FRAS1: variants seen among roughly 807,000 people sequenced by gnomAD.
The protein encoded by FRAS1 is extracellular matrix organizing protein FRAS1.
FRAS1 carries 290 observed loss-of-function variants against 435.2 expected under a neutral mutation model. The ratio of observed to expected loss-of-function variants is 0.67; its 90% CI spans 0.61 to 0.73. FRAS1 has a LOEUF of 0.73. FRAS1 is among the 30% of genes least tolerant of loss of function. The pLI, the probability that FRAS1 is intolerant of heterozygous loss-of-function variation, is 0.00. For synonymous variants in FRAS1, 1,800 were observed against 1,851.0 expected (o/e 0.97, Z 0.71); for missense variants, 4,860 against 5,001.5 (o/e 0.97, Z 0.85).
chr4:78,520,465 G>A (rs1346447751), intron 67 of FRAS1, among the ~76,000 whole-genome samples: 1 of 151,916 alleles, frequency 6.6e-6, no homozygotes, highest in African/African-American at 2.4e-5. Context: ...TGAAATTACA[G>A]TCATCATTCA....
At position 78,475,573 on chromosome 4, in the gene FRAS1, T is replaced by G. The variant is rs371753579; in HGVS notation, c.7818T>G (p.Pro2606=). ...CCAGCTCCAGGGTCAGCTCCCAACC[T>G]GGGCAACAGGACTATGTAGAGTATG... The part of the protein sequence containing the change: ...ASSSSRVSSQ[P]GQQDYVEYAG... The change falls in exon 54 of 74, where the codon CCT becomes CCG. Residue 2606 remains proline (P), a synonymous_variant. Transcript: ENST00000512123. The G allele has an allele frequency of 6.2e-7, 1 of 1,612,726 alleles. No individual in the cohort carries two copies. Among genetic ancestry groups the G allele is most frequent in the African/African-American group, 1.3e-5 (1 of 74,998 alleles).
chr4:78,505,546 C>T lies in FRAS1; in HGVS notation c.9317-1875C>T, dbSNP rs903319223. ...CCTATTGAAGCTTGTGCATGTATCA[C>T]GAAGCTCTTGTGCCATGGTTTTCAG... On this transcript the variant is annotated intron_variant, in intron 61 of 73. Coordinates refer to ENST00000512123, the MANE Select transcript of FRAS1 (RefSeq NM_025074.7). Among the ~76,000 whole-genome samples, 6 of 152,206 alleles carry T rather than the reference C, an allele frequency of 3.9e-5. No individual in the cohort carries two copies. In the East Asian group the frequency reaches 9.7e-4, roughly 24 times the overall value.
chr4:78,159,190 G>T (rs1056584698), intron 2 of FRAS1, among the ~76,000 whole-genome samples: 2 of 152,192 alleles, frequency 1.3e-5, no homozygotes, highest in Non-Finnish European at 1.5e-5. Flanking sequence ...ATTCTTCAGA[G>T]AAAAGCTATC....
rs144065807 is a variant in FRAS1, at chr4:78,369,977, G to T, written c.2862G>T (p.Thr954=). Residue 954 remains threonine, a synonymous_variant, in exon 23 of 74, where the codon ACG becomes ACT. Coordinates refer to ENST00000512123, the MANE Select transcript of FRAS1 (RefSeq NM_025074.7). The stretch of plus-strand genomic sequence containing the variant: ...ACTATCTTGACTTCTCCACCAACAC[G>T]TGCAAAGGTAAAGCTCTTCCTGAAT... ...PQYYLDFSTN[T]CKECDWSCSA... is the part of the protein sequence containing the mutation. 1 of 1,612,946 alleles carries T rather than the reference G, an allele frequency of 6.2e-7. No individual in the cohort carries two copies. The highest frequency in any genetic ancestry group is 1.7e-5 in the Admixed American group (1 of 59,920).
intron 2 of FRAS1, among the ~76,000 whole-genome samples, chr4:78,095,507 T>G (rs1477945519): frequency 6.6e-6 from 1 of 152,206 alleles, no homozygotes; most frequent in Non-Finnish European, 1.5e-5. Context: ...TGAAGTCCTG[T>G]ATTAGTCCAT....
chr4:78,302,950 G>A (rs1728492445), intron 14 of FRAS1, among the ~76,000 whole-genome samples: 1 of 152,072 alleles, frequency 6.6e-6, no homozygotes, highest in Non-Finnish European at 1.5e-5. Flanking sequence ...TGTCCTGAAT[G>A]GTAATGCCTA....
At chr4:78,279,800 C>T (rs749449867) in intron 10 of FRAS1, among the ~76,000 whole-genome samples, 1 of 152,118 alleles carries the variant, frequency 6.6e-6, no homozygotes, top group Non-Finnish European at 1.5e-5. Context: ...ATAAAAACAA[C>T]TGCTTCTTTG....
chr4:78,346,887 T>C (rs402843), intron 20 of FRAS1, among the ~76,000 whole-genome samples: 25,757 of 151,982 alleles, frequency 0.17, 2,878 homozygotes, highest in African/African-American at 0.32. Flanking sequence ...TACAGATTCA[T>C]CTCCCTCCTT....
chr4:78,369,809 C>T, intron 22 of FRAS1, 29 bp from the exon 23 acceptor site: 1 of 1,595,464 alleles, frequency 6.3e-7, no homozygotes, highest in East Asian at 2.2e-5. Flanking sequence ...TTGTAATCAT[C>T]TGGTCATTTT....
chr4:78,412,124 G>A (rs942293830), intron 31 of FRAS1, among the ~76,000 whole-genome samples: 5 of 149,954 alleles, frequency 3.3e-5, no homozygotes, highest in Non-Finnish European at 5.9e-5. Context: ...CTCGATCCCA[G>A]GCATCTGATG....
chr4:78,287,659 A>T (rs952171846), intron 14 of FRAS1, among the ~76,000 whole-genome samples: 3 of 152,132 alleles, frequency 2.0e-5, no homozygotes, highest in African/African-American at 7.2e-5. Context: ...TTGCAGGAAA[A>T]TGATTGAGGT....
rs138115056 is a variant in FRAS1 at position 78,358,943 on chromosome 4, T to C, written c.2423-4570T>C. Reference sequence around the variant, plus strand: ...AGTGTCCACATTTAATTTAATCTAATCTATGTAAAAATCTCTATATGTAAA... The same window carrying C: ...AGTGTCCACATTTAATTTAATCTAACCTATGTAAAAATCTCTATATGTAAA... On this transcript the variant is annotated intron_variant, in intron 20 of 73. Coordinates refer to ENST00000512123, the MANE Select transcript of FRAS1 (RefSeq NM_025074.7). Among the ~76,000 whole-genome samples, 686 of 152,324 alleles carry C rather than the reference T, an allele frequency of 4.5e-3. 4 individuals carry two copies. Among genetic ancestry groups the C allele is most frequent in the African/African-American group, 0.016 (648 of 41,564 alleles).
At position 78,309,005 on chromosome 4, in the gene FRAS1, G is replaced by T. The variant is rs189722982; in HGVS notation, c.1678+796G>T. Reference sequence around the variant, plus strand: ...ATCTTGATGTGAGGATATTATCCTGGATTATCTGGGTAAGCCCCATGCAAT... The same window carrying T: ...ATCTTGATGTGAGGATATTATCCTGTATTATCTGGGTAAGCCCCATGCAAT... On this transcript the variant is annotated intron_variant, in intron 15 of 73. Coordinates refer to ENST00000512123, the MANE Select transcript of FRAS1 (RefSeq NM_025074.7). 1.2e-3 allele frequency among the ~76,000 whole-genome samples: 183 copies of T among 152,304 alleles called. 1 individual carries two copies. The highest frequency in any genetic ancestry group is 3.1e-3 in the Admixed American group (48 of 15,300).
chr4:78,308,537 C>T (rs1025516230), intron 15 of FRAS1, among the ~76,000 whole-genome samples: 2 of 152,178 alleles, frequency 1.3e-5, no homozygotes, highest in Admixed American at 1.3e-4. Flanking sequence ...TTCCCCAGAT[C>T]CCAAACTCTC....
Position 78,539,321 on chromosome 4 carries a change from A to G in FRAS1, c.11326A>G (p.Lys3776Glu), listed in dbSNP as rs779140531. Reference sequence around the variant, plus strand: ...CCGCAATCAGCCAGAGGTAACTGATAAGTACTTCCATGATGTGCCTTTTGA... The same window carrying G: ...CCGCAATCAGCCAGAGGTAACTGATGAGTACTTCCATGATGTGCCTTTTGA... ...LDRNQPEVTD[K>E]YFHDVPFEAH... The change falls in exon 73 of 74, where the codon AAG (lysine) becomes GAG (glutamate). Residue 3776 changes from lysine to glutamate, a missense_variant. Transcript: ENST00000512123. 1 of 1,611,590 alleles carries G rather than the reference A, an allele frequency of 6.2e-7. No homozygotes were observed. Among genetic ancestry groups the G allele is most frequent in the Admixed American group, 1.7e-5 (1 of 59,482 alleles).
intron 44 of FRAS1, among the ~76,000 whole-genome samples, chr4:78,448,946 GTTGT>G: frequency 6.6e-6 from 1 of 152,220 alleles, no homozygotes; most frequent in Non-Finnish European, 1.5e-5. Context: ...CTAGAGTTCT[GTTGT>G]TTGTTTGTTC....
At chr4:78,239,701 A>G (rs11727545) in intron 3 of FRAS1, among the ~76,000 whole-genome samples, 38,146 of 152,056 alleles carry the variant, frequency 0.25, 5,485 homozygotes, top group Non-Finnish European at 0.33. Context: ...CCCTGAATAT[A>G]TATGTATATA....
chr4:78,473,858 G>A (rs1719785355), intron 53 of FRAS1, among the ~76,000 whole-genome samples: 1 of 152,124 alleles, frequency 6.6e-6, no homozygotes, highest in Admixed American at 6.5e-5. Flanking sequence ...CAGTGGCAAA[G>A]TAATAGAGAC....
chr4:78,295,801 G>A (rs1330022960), intron 14 of FRAS1, among the ~76,000 whole-genome samples: 2 of 150,326 alleles, frequency 1.3e-5, no homozygotes, highest in Admixed American at 1.3e-4. Flanking sequence ...CTGTAGTACA[G>A]TGGCGCAATC....
Sources: allele counts gnomAD v4.1 joint callset (sites outside exome capture counted in the v4.1 genomes callset), GRCh38; gene constraint gnomAD v4.1.1; transcripts MANE v1.5; gene names NCBI Gene and HGNC (gene_info 2026-07-23, HGNC 2026-07-21).